Variants in RFTN1 observed in about 807,000 individuals in gnomAD.
RFTN1 encodes the protein raftlin.
In RFTN1, 26 loss-of-function variants were observed where a neutral mutation model predicts 46.5. That is an observed-to-expected ratio of 0.56 (90% CI 0.41 to 0.78). The LOEUF is 0.78. Among genes scored for constraint, RFTN1 ranks in the 30% least tolerant of loss-of-function variants. The pLI, the probability that RFTN1 is intolerant of heterozygous loss-of-function variation, is 0.00. For synonymous variants in RFTN1, 261 were observed against 284.2 expected (o/e 0.92, Z 0.82); for missense variants, 693 against 718.7 (o/e 0.96, Z 0.41).
chr3:16,406,133 C>T (rs767136480), intron 4 of RFTN1, among the ~76,000 whole-genome samples: 3 of 152,206 alleles, frequency 2.0e-5, no homozygotes, highest in Admixed American at 2.0e-4. Context: ...AAAATTCAGC[C>T]ATCAGTTGGA....
rs919082904 is a variant in RFTN1 at position 16,356,523 on chromosome 3, G to C, written c.1146+1409C>G. Among the ~76,000 whole-genome samples the C allele has an allele frequency of 1.3e-5, 2 of 152,250 alleles. No homozygotes were observed. The highest frequency in any genetic ancestry group is 3.9e-4 in the East Asian group (2 of 5,184). ...CCAACAGCCTTGCTCCTCACTTCAC[G>C]TGTGCTGGGAACTGCTGCAGCTTCA... On this transcript the variant is annotated intron_variant, in intron 7 of 9. Transcript: ENST00000334133. The surrounding 1 kb of genome is among the most constrained non-coding windows in gnomAD (Gnocchi z 4.9).
intron 7 of RFTN1, among the ~76,000 whole-genome samples, chr3:16,357,608 G>A (rs1037027449): frequency 1.3e-5 from 2 of 152,140 alleles, no homozygotes; most frequent in African/African-American, 2.4e-5. Context: ...TATTAACGGA[G>A]GCCACAAACT....
At chr3:16,398,964 A>G (rs1168663185) in intron 4 of RFTN1, among the ~76,000 whole-genome samples, 1 of 152,230 alleles carries the variant, frequency 6.6e-6, no homozygotes, top group Non-Finnish European at 1.5e-5. Flanking sequence ...AAAGGAGTAC[A>G]GGCCTCACAG....
At chr3:16,398,244 CAAAAAAAAAAAAAA>C (rs202032095) in intron 4 of RFTN1, among the ~76,000 whole-genome samples, 2 of 110,852 alleles carry the variant, frequency 1.8e-5, no homozygotes, top group East Asian at 2.4e-4. Context: ...AAGACTGTCT[CAAAAAAAAAAAAAA>C]AAAAAAAAAA....
intron 6 of RFTN1, among the ~76,000 whole-genome samples, chr3:16,367,728 G>A (rs1480901418): frequency 6.6e-6 from 1 of 152,172 alleles, no homozygotes; most frequent in African/African-American, 2.4e-5. Context: ...CTGCATTTCT[G>A]GACTCCAGGT....
At position 16,433,757 on chromosome 3, in the gene RFTN1, T is replaced by A; in HGVS notation, c.332+94A>T. On this transcript the variant is annotated intron_variant, in intron 3 of 9. Coordinates refer to ENST00000334133, the MANE Select transcript of RFTN1 (RefSeq NM_015150.2). The surrounding 1 kb of genome is among the most constrained non-coding windows in gnomAD (Gnocchi z 4.4). ...GAGGCCCTGAGGACAGCATGCAAAT[T>A]TCAACCCCCAACCCCATCCTCTCAC... The A allele has an allele frequency of 7.3e-7, 1 of 1,366,682 alleles. No homozygotes were observed. Among genetic ancestry groups the A allele is most frequent in the Non-Finnish European group, 1.0e-6 (1 of 960,786 alleles). 84.7% of individuals were successfully genotyped at this position (1,366,682 alleles called of 1,614,324 possible). A position where few individuals can be genotyped will look rare whatever the true frequency, so the allele number is the denominator to read the frequency against.
In RFTN1 at chr3:16,474,872, C is replaced by G. The variant is rs945862099; in HGVS notation, c.145+18853G>C. Among the ~76,000 whole-genome samples the G allele has an allele frequency of 3.9e-5, 6 of 152,184 alleles. No homozygotes were observed. The highest frequency in any genetic ancestry group is 1.4e-4 in the African/African-American group (6 of 41,436). ...AGCCAGAATACACAGGACTAGCCAT[C>G]AAGGGGTAGAAGCAAAAATGGCTCC... On this transcript the variant is annotated intron_variant, in intron 2 of 9. Transcript: ENST00000334133. The surrounding 1 kb of genome is among the most constrained non-coding windows in gnomAD (Gnocchi z 5.5).
Position 16,480,648 on chromosome 3 carries a change from A to C in RFTN1, c.145+13077T>G, listed in dbSNP as rs1041003346. 1.3e-5 allele frequency among the ~76,000 whole-genome samples: 2 copies of C among 152,214 alleles called. No homozygotes were observed. The highest frequency in any genetic ancestry group is 4.8e-5 in the African/African-American group (2 of 41,456). Reference sequence around the variant, plus strand: ...TGAAAATATTTCGTAGATAAAATTCAACAGGACTCCTGTCTTCTGAAGCAT... The same window carrying C: ...TGAAAATATTTCGTAGATAAAATTCCACAGGACTCCTGTCTTCTGAAGCAT... On this transcript the variant is annotated intron_variant, in intron 2 of 9. Coordinates refer to ENST00000334133, the MANE Select transcript of RFTN1 (RefSeq NM_015150.2). The surrounding 1 kb of genome is among the most constrained non-coding windows in gnomAD (Gnocchi z 4.3).
intron 1 of RFTN1, among the ~76,000 whole-genome samples, chr3:16,505,808 T>C (rs1264476996): frequency 1.3e-5 from 2 of 151,880 alleles, no homozygotes; most frequent in Admixed American, 6.6e-5. Context: ...TAGGAAAAAA[T>C]GACATAAAAT....
chr3:16,486,036 C>G (rs888456360), intron 2 of RFTN1, among the ~76,000 whole-genome samples: 1 of 152,226 alleles, frequency 6.6e-6, no homozygotes, highest in African/African-American at 2.4e-5. Flanking sequence ...TTAAAGCAGA[C>G]TCAGCATCTG....
intron 6 of RFTN1, among the ~76,000 whole-genome samples, chr3:16,358,347 A>G (rs1243961462): frequency 6.6e-6 from 1 of 152,200 alleles, no homozygotes; most frequent in African/African-American, 2.4e-5. Context: ...CTCCAGCGTC[A>G]GGATGCACTG....
chr3:16,395,009 G>A (rs539078844), intron 4 of RFTN1, among the ~76,000 whole-genome samples: 16 of 151,740 alleles, frequency 1.1e-4, no homozygotes, highest in African/African-American at 3.9e-4. Flanking sequence ...AATAATACAT[G>A]AAAAAAAAGT....
chr3:16,463,006 C>T (rs1367554364), intron 2 of RFTN1, among the ~76,000 whole-genome samples: 3 of 152,196 alleles, frequency 2.0e-5, no homozygotes, highest in Non-Finnish European at 4.4e-5. Context: ...GGGAAGGAAA[C>T]ACAGGAAGCA....
intron 7 of RFTN1, 111 bp downstream of exon 7, chr3:16,357,821 C>T: frequency 1.4e-6 from 1 of 705,724 alleles, no homozygotes; most frequent in South Asian, 1.7e-5. Context: ...AGGTCAACTC[C>T]CTCTCAGAAG....
In RFTN1 at chr3:16,338,729, A is replaced by G. The variant is rs1210503784; in HGVS notation, c.1147-11853T>C. 6.6e-6 allele frequency among the ~76,000 whole-genome samples: 1 copy of G among 152,226 alleles called. No individual in the cohort carries two copies. The highest frequency in any genetic ancestry group is 1.5e-5 in the Non-Finnish European group (1 of 68,048). ...AGATGAATGAGGGATCCTATATCAT[A>G]TCTTTAGCCCTTCTTTCTGATTTTT... On this transcript the variant is annotated intron_variant, in intron 7 of 9. Coordinates refer to ENST00000334133, the MANE Select transcript of RFTN1 (RefSeq NM_015150.2). This position sits in a 1 kb window ranked among gnomAD's most constrained non-coding sequence, Gnocchi z 5.3.
At chr3:16,325,849 C>T (rs761161625) in intron 8 of RFTN1, among the ~76,000 whole-genome samples, 8 of 152,224 alleles carry the variant, frequency 5.3e-5, no homozygotes, top group Non-Finnish European at 1.0e-4. Flanking sequence ...TTGCCCCATG[C>T]TGTCCATCAC....
chr3:16,438,051 C>T (rs9839841), intron 2 of RFTN1, among the ~76,000 whole-genome samples: 28,587 of 152,110 alleles, frequency 0.19, 3,001 homozygotes, highest in African/African-American at 0.26. Flanking sequence ...GATCCCCTCT[C>T]CTTTGATAAA....
chr3:16,393,753 G>A (rs1412540918), intron 4 of RFTN1, among the ~76,000 whole-genome samples: 2 of 151,648 alleles, frequency 1.3e-5, no homozygotes, highest in East Asian at 3.9e-4. Context: ...CCACCTCCTG[G>A]GTTCACTCCA....
intron 2 of RFTN1, among the ~76,000 whole-genome samples, chr3:16,470,961 C>T (rs1226759344): frequency 6.6e-6 from 1 of 152,154 alleles, no homozygotes; most frequent in African/African-American, 2.4e-5. Flanking sequence ...TCTGTCCAAC[C>T]TACCTCACAG....
Sources: allele counts gnomAD v4.1 joint callset (sites outside exome capture counted in the v4.1 genomes callset), GRCh38; gene constraint gnomAD v4.1.1; non-coding constraint Gnocchi (gnomAD v3.1); transcripts MANE v1.5; gene names NCBI Gene and HGNC (gene_info 2026-07-23, HGNC 2026-07-21).